The following DOCK4 variants were observed in gnomAD, a reference collection of about 807,000 sequenced individuals.
DOCK4 encodes the protein dedicator of cytokinesis 4.
A neutral mutation model predicts 268.1 loss-of-function variants in DOCK4; 97 were observed. That is an observed-to-expected ratio of 0.36 (90% CI 0.31 to 0.43). The LOEUF (loss-of-function observed/expected upper bound fraction) is 0.43, where lower values mean the gene tolerates loss of function less well. Ranked by LOEUF, DOCK4 falls within the 20% of genes least tolerant of loss-of-function variation. The probability of loss-of-function intolerance (pLI) is 1.00; values close to 1 mark genes in which losing one functional copy is unlikely to be tolerated. For synonymous variants in DOCK4, 954 were observed against 887.2 expected (o/e 1.08, Z -1.34); for missense variants, 2,145 against 2,455.7 (o/e 0.87, Z 2.67).
rs1795951795 is a variant in DOCK4 at position 111,742,000 on chromosome 7, T to G, written c.4797+13A>C. ...ATCAGGCTGCCCCGCCATGGACACC[T>G]AAGTATACATACCTGTATCCCTAAG... On this transcript the variant is annotated intron_variant, in intron 45 of 52. Transcript: ENST00000428084. The G allele has an allele frequency of 1.0e-5, 16 of 1,574,702 alleles. No individual in the cohort carries two copies. Among genetic ancestry groups the G allele is most frequent in the Non-Finnish European group, 1.4e-5 (16 of 1,163,500 alleles).
At chr7:111,802,307 G>C (rs1292441409) in intron 30 of DOCK4, among the ~76,000 whole-genome samples, 1 of 152,142 alleles carries the variant, frequency 6.6e-6, no homozygotes, top group Non-Finnish European at 1.5e-5. Context: ...CAAATTCTGA[G>C]ATTAACAGGT....
At chr7:111,740,516 T>A (rs1311117160) in intron 47 of DOCK4, among the ~76,000 whole-genome samples, 1 of 150,198 alleles carries the variant, frequency 6.7e-6, no homozygotes, top group Non-Finnish European at 1.5e-5. Context: ...GCAGATCACT[T>A]GAGGTCAGGA....
chr7:111,921,927 A>G (rs1479352228), intron 12 of DOCK4, among the ~76,000 whole-genome samples: 2 of 152,236 alleles, frequency 1.3e-5, no homozygotes, highest in Admixed American at 1.3e-4. Context: ...TTACCACCAG[A>G]TAAATCCAAA....
intron 1 of DOCK4, among the ~76,000 whole-genome samples, chr7:112,193,067 A>G (rs1820118844): frequency 6.6e-6 from 1 of 152,202 alleles, no homozygotes; most frequent in Admixed American, 6.5e-5. Flanking sequence ...TTCATATAAT[A>G]AAACTTCCAT....
chr7:111,739,548 A>T (rs1795751675), intron 47 of DOCK4, 71 bp from the exon 48 acceptor site: 2 of 1,321,590 alleles, frequency 1.5e-6, no homozygotes, highest in Non-Finnish European at 2.1e-6. Context: ...TATTTGAAAC[A>T]AAATCATCAA....
At chr7:111,881,539 G>C (rs1031775710) in intron 16 of DOCK4, among the ~76,000 whole-genome samples, 8 of 152,132 alleles carry the variant, frequency 5.3e-5, no homozygotes, top group Non-Finnish European at 7.3e-5. Context: ...ACTATAAAGA[G>C]AGCTACCATG....
chr7:111,935,784 T>C (rs565324986), intron 11 of DOCK4, among the ~76,000 whole-genome samples, 156 bp from the exon 12 acceptor site: 2 of 152,324 alleles, frequency 1.3e-5, no homozygotes, highest in African/African-American at 4.8e-5. Flanking sequence ...TTAGCATGGT[T>C]GTCCCAGGAT....
In DOCK4 at chr7:111,867,976, G is replaced by A; in HGVS notation, c.2280+8C>T. On this transcript the variant is annotated splice_region_variant and intron_variant, in intron 22 of 52. Transcript: ENST00000428084. ...TTCTTCTATTCAGCATAGATGAAAAGAAATTACCTGTGACTGAGATAATGC... is the reference window on the plus strand; with the variant it reads ...TTCTTCTATTCAGCATAGATGAAAAAAAATTACCTGTGACTGAGATAATGC... 1 of 1,579,672 alleles carries A rather than the reference G, an allele frequency of 6.3e-7. No individual in the cohort carries two copies. Among genetic ancestry groups the A allele is most frequent in the South Asian group, 1.2e-5 (1 of 84,934 alleles).
At chr7:112,015,929 T>A (rs1801771950) in intron 1 of DOCK4, among the ~76,000 whole-genome samples, 1 of 152,232 alleles carries the variant, frequency 6.6e-6, no homozygotes, top group South Asian at 2.1e-4. Context: ...AATAGGGCCT[T>A]AATCCCATTA....
intron 15 of DOCK4, among the ~76,000 whole-genome samples, chr7:111,899,991 T>G (rs1203950547): frequency 1.3e-5 from 2 of 152,240 alleles, no homozygotes; most frequent in Non-Finnish European, 1.5e-5. Context: ...TTTTTCCAGC[T>G]GACATTATTT....
chr7:111,924,552 A>C (rs1341470445), intron 12 of DOCK4, among the ~76,000 whole-genome samples: 1 of 152,156 alleles, frequency 6.6e-6, no homozygotes, highest in Non-Finnish European at 1.5e-5. Flanking sequence ...AACTCTCTTG[A>C]TTCTTACCAG....
intron 4 of DOCK4, among the ~76,000 whole-genome samples, chr7:111,995,627 A>T (rs1365875573): frequency 6.6e-6 from 1 of 152,202 alleles, no homozygotes; most frequent in South Asian, 2.1e-4. Context: ...TTGTCTAATG[A>T]TCAAGGGGAA....
intron 1 of DOCK4, among the ~76,000 whole-genome samples, chr7:112,069,194 C>T (rs563297112): frequency 9.9e-5 from 15 of 152,264 alleles, no homozygotes; most frequent in South Asian, 2.1e-4. Flanking sequence ...GTTTGTACAC[C>T]GAGCAAACTT....
chr7:111,777,459 C>G (rs1329404879), intron 36 of DOCK4, among the ~76,000 whole-genome samples: 2 of 152,054 alleles, frequency 1.3e-5, no homozygotes, highest in African/African-American at 2.4e-5. Context: ...GTATTTTTAT[C>G]CTCTTAAATT....
chr7:111,742,204 G>C lies in DOCK4; in HGVS notation c.4678-72C>G, dbSNP rs888561906. ...TCACTAAGTGCCTGCTATGGGCCGA[G>C]CACTTTACTACGCATTTCGCTTGCA... On this transcript the variant is annotated intron_variant, in intron 44 of 52. Transcript: ENST00000428084. The C allele has an allele frequency of 5.5e-6, 8 of 1,449,814 alleles. No homozygotes were observed. The African/African-American group carries it at 1.2e-4, about 21-fold the overall frequency. The allele number at this position is 1,449,814 out of a possible 1,614,324, so 89.8% of individuals were successfully genotyped here.
At position 111,847,103 on chromosome 7, in the gene DOCK4, C is replaced by T; in HGVS notation, c.2497G>A (p.Val833Ile). The T allele has an allele frequency of 6.2e-7, 1 of 1,613,752 alleles. No homozygotes were observed. Among genetic ancestry groups the T allele is most frequent in the Non-Finnish European group, 8.5e-7 (1 of 1,179,746 alleles). ...TGAATGTGGAGGTGATGTAACACGA[C>T]AGGCAGAAGAATGTATCGGGAATCT... The part of the protein sequence containing the change: ...NPDSRYILLP[V>I]VLHHLHIHLQ... Residue 833 changes from valine (V) to isoleucine (I), a missense_variant, in exon 24 of 53, where the codon GTC (valine) becomes ATC (isoleucine). This residue lies in a region of DOCK4 where 1,598 missense variants were observed against 1,986.7 expected (regional missense o/e 0.80). Transcript: ENST00000428084.
intron 36 of DOCK4, among the ~76,000 whole-genome samples, chr7:111,775,621 A>G (rs1381291142): frequency 6.6e-6 from 1 of 152,222 alleles, no homozygotes; most frequent in Non-Finnish European, 1.5e-5. Context: ...ATGGGAACAG[A>G]CAGAAAAAGC....
rs535889883 is a variant in DOCK4, at chr7:111,750,716, A to G, written c.4417-3273T>C. Among the ~76,000 whole-genome samples the G allele has an allele frequency of 7.9e-5, 12 of 152,324 alleles. No homozygotes were observed. In the South Asian group the frequency reaches 2.3e-3, roughly 29 times the overall value. ...GCTGAGTCCTGCATCGAACTTGACA[A>G]TCAGATCCTGTGTGTTAGCTCAGTA... On this transcript the variant is annotated intron_variant, in intron 42 of 52. Coordinates refer to ENST00000428084, the MANE Select transcript of DOCK4 (RefSeq NM_001363540.2).
chr7:112,144,668 A>G (rs1323942031), intron 1 of DOCK4, among the ~76,000 whole-genome samples: 5 of 152,208 alleles, frequency 3.3e-5, no homozygotes, highest in Non-Finnish European at 7.4e-5. Context: ...AAAGCTAATA[A>G]TCTAACACTC....
Sources: gnomAD v4.1 joint callset for allele counts (sites outside exome capture counted in the v4.1 genomes callset) on GRCh38, gnomAD v4.1.1 for gene constraint, gnomAD v4.1.1 regional missense constraint, MANE v1.5 for transcripts, NCBI Gene and HGNC (gene_info 2026-07-23, HGNC 2026-07-21) for gene names.